Variants in NEBL observed in about 807,000 individuals in gnomAD.
NEBL encodes LIM and SH3 protein 2.
NEBL carries 122 observed loss-of-function variants against 140.2 expected under a neutral mutation model. The observed-to-expected ratio is 0.87, with a 90% CI of 0.75 to 1.01. The LOEUF is 1.01. Ranked by LOEUF, NEBL falls within the 50% of genes least tolerant of loss-of-function variation. NEBL has a pLI of 0.00. For missense variants in NEBL, 1,365 were observed against 1,231.3 expected (o/e 1.11, Z -1.62); for synonymous variants, 436 against 398.9 (o/e 1.09, Z -1.11).
chr10:21,284,574 T>G (rs1005799646), intron 1 of NEBL, among the ~76,000 whole-genome samples: 1 of 152,220 alleles, frequency 6.6e-6, no homozygotes, highest in Non-Finnish European at 1.5e-5. Flanking sequence ...GAACTAACTC[T>G]TAATTGTGTT....
chr10:20,871,509 G>A (rs1399745187), intron 5 of NEBL, among the ~76,000 whole-genome samples: 3 of 152,038 alleles, frequency 2.0e-5, no homozygotes, highest in South Asian at 2.1e-4. Context: ...CTCCCTGTGC[G>A]TTATGTTATT....
chr10:20,835,672 T>C, intron 13 of NEBL, 49 bp from the exon 14 acceptor site: 1 of 1,265,988 alleles, frequency 7.9e-7, no homozygotes, highest in Non-Finnish European at 1.1e-6. Context: ...TGGGCAAACA[T>C]GCATCTGCAG....
chr10:21,057,701 C>A (rs1835091732), intron 2 of NEBL, among the ~76,000 whole-genome samples: 1 of 80,498 alleles, frequency 1.2e-5, no homozygotes, highest in Non-Finnish European at 2.7e-5. Flanking sequence ...AGGAGCGCAC[C>A]AGCACACCCA....
intron 2 of NEBL, among the ~76,000 whole-genome samples, chr10:21,023,578 C>A (rs1838888106): frequency 6.6e-6 from 1 of 152,034 alleles, no homozygotes; most frequent in Non-Finnish European, 1.5e-5. Context: ...ACCTGTAATC[C>A]CAGCTACTTG....
chr10:20,873,659 G>T (rs1024782479), intron 5 of NEBL, among the ~76,000 whole-genome samples: 3 of 151,998 alleles, frequency 2.0e-5, no homozygotes, highest in Non-Finnish European at 2.9e-5. Flanking sequence ...AGGTATGACG[G>T]TATGAAATTT....
intron 4 of NEBL, among the ~76,000 whole-genome samples, chr10:20,906,551 T>A (rs1848102582): frequency 6.6e-6 from 1 of 152,182 alleles, no homozygotes. Flanking sequence ...TTAAAATAAC[T>A]GGTACTCTCT....
intron 2 of NEBL, among the ~76,000 whole-genome samples, chr10:21,098,932 T>A (rs2131984883): frequency 6.6e-6 from 1 of 151,864 alleles, no homozygotes; most frequent in South Asian, 2.1e-4. Context: ...AGCCCAGGAG[T>A]TCGAGACCAG....
chr10:21,142,692 G>A (rs1210448876), intron 2 of NEBL, among the ~76,000 whole-genome samples: 2 of 152,282 alleles, frequency 1.3e-5, no homozygotes, highest in African/African-American at 4.8e-5. Context: ...GCGGCAGACG[G>A]TATGGCGAGC....
intron 19 of NEBL, among the ~76,000 whole-genome samples, chr10:20,820,774 G>T (rs1280905353): frequency 2.6e-5 from 4 of 152,006 alleles, no homozygotes; most frequent in Non-Finnish European, 5.9e-5. Context: ...GCAGTGAACT[G>T]AGATCACGCC....
At chr10:21,216,377 C>T (rs564285047) in intron 3 of NEBL, among the ~76,000 whole-genome samples, 8 of 152,190 alleles carry the variant, frequency 5.3e-5, no homozygotes, top group Non-Finnish European at 7.4e-5. Flanking sequence ...ACTTTTTGGC[C>T]GGGTGCAGTA....
intron 1 of NEBL, among the ~76,000 whole-genome samples, chr10:21,272,930 T>C (rs1271998070): frequency 6.6e-6 from 1 of 152,212 alleles, no homozygotes; most frequent in African/African-American, 2.4e-5. Flanking sequence ...AGGATCATGC[T>C]GGCCATCTCT....
At chr10:20,895,922 T>C (rs1312021104) in intron 2 of NEBL, among the ~76,000 whole-genome samples, 2 of 152,182 alleles carry the variant, frequency 1.3e-5, no homozygotes, top group Non-Finnish European at 2.9e-5. Context: ...TTTAATCTTA[T>C]TATAAATGTT....
intron 19 of NEBL, among the ~76,000 whole-genome samples, chr10:20,821,023 C>T (rs1124487): frequency 0.23 from 35,163 of 151,974 alleles, 4,628 homozygotes; most frequent in East Asian, 0.4. Flanking sequence ...TGAGATGTTA[C>T]GCAGATTCTT....
chr10:20,997,917 ACCTCCAAATGAAAAGTTTACTAC>A, intron 3 of NEBL, among the ~76,000 whole-genome samples: 1 of 152,140 alleles, frequency 6.6e-6, no homozygotes, highest in African/African-American at 2.4e-5. Context: ...AAAATCATTG[ACCTCCAAATGAAAAGTTTACTAC>A]ATAACTTAAT....
chr10:21,077,452 A>C (rs1364086836), intron 2 of NEBL, among the ~76,000 whole-genome samples: 1 of 151,892 alleles, frequency 6.6e-6, no homozygotes, highest in Non-Finnish European at 1.5e-5. Context: ...CTAAAAGTAC[A>C]AAAAATTAGC....
chr10:20,783,696 T>C lies in NEBL; in HGVS notation c.*2051A>G, dbSNP rs1290830263. 1 of 152,640 alleles carries C rather than the reference T, an allele frequency of 6.6e-6. No homozygotes were observed. The highest frequency in any genetic ancestry group is 2.4e-5 in the African/African-American group (1 of 41,460). 9.5% of individuals were successfully genotyped at this position (152,640 alleles called of 1,614,324 possible). A position where few individuals can be genotyped will look rare whatever the true frequency, so the allele number is the denominator to read the frequency against. ...GGCCTGCCTGGGTGAAATGTAAATATATACTTAGTAAAATAAAATTGAGCA... is the reference window on the plus strand; with the variant it reads ...GGCCTGCCTGGGTGAAATGTAAATACATACTTAGTAAAATAAAATTGAGCA... On this transcript the variant is annotated 3_prime_UTR_variant, in exon 28 of 28. Coordinates refer to ENST00000377122, the MANE Select transcript of NEBL (RefSeq NM_006393.3).
chr10:21,142,501 A>T (rs1189358129), intron 2 of NEBL, among the ~76,000 whole-genome samples: 1 of 150,968 alleles, frequency 6.6e-6, no homozygotes, highest in East Asian at 2.0e-4. Flanking sequence ...AAACAAACTA[A>T]ACAAGACAAA....
At chr10:20,942,921 G>T (rs1235482647) in intron 4 of NEBL, among the ~76,000 whole-genome samples, 1 of 152,090 alleles carries the variant, frequency 6.6e-6, no homozygotes, top group Non-Finnish European at 1.5e-5. Flanking sequence ...ATGGCGATCA[G>T]TAAAAAGTCA....
At chr10:21,144,387 C>T (rs1489700642) in intron 2 of NEBL, among the ~76,000 whole-genome samples, 1 of 152,224 alleles carries the variant, frequency 6.6e-6, no homozygotes, top group Non-Finnish European at 1.5e-5. Context: ...AACGCACCCT[C>T]CTTGGCCAGT....
Sources: allele counts gnomAD v4.1 joint callset (sites outside exome capture counted in the v4.1 genomes callset), GRCh38; gene constraint gnomAD v4.1.1; transcripts MANE v1.5; gene names NCBI Gene and HGNC (gene_info 2026-07-23, HGNC 2026-07-21).